IP6K1: variants seen among roughly 807,000 people sequenced by gnomAD.
IP6K1 encodes inositol hexakisphosphate kinase 1.
IP6K1 carries 13 observed loss-of-function variants against 38.3 expected under a neutral mutation model. The observed-to-expected ratio is 0.34, with a 90% CI of 0.22 to 0.54. IP6K1 has a LOEUF of 0.54. Ranked by LOEUF, IP6K1 falls within the 20% of genes least tolerant of loss-of-function variation. The pLI is 0.92. For synonymous variants in IP6K1, 212 were observed against 229.9 expected (o/e 0.92, Z 0.70); for missense variants, 397 against 599.8 (o/e 0.66, Z 3.53).
At chr3:49,731,255 A>G (rs866051585) in intron 4 of IP6K1, among the ~76,000 whole-genome samples, 37 of 152,132 alleles carry the variant, frequency 2.4e-4, no homozygotes, top group African/African-American at 8.7e-4. Flanking sequence ...AAAGGTACAG[A>G]CTTATCATAT....
intron 1 of IP6K1, among the ~76,000 whole-genome samples, chr3:49,762,157 G>T (rs895824994): frequency 6.6e-6 from 1 of 152,096 alleles, no homozygotes; most frequent in Non-Finnish European, 1.5e-5. Context: ...TCATCATGTG[G>T]CCCAGACTGG....
intron 1 of IP6K1, among the ~76,000 whole-genome samples, chr3:49,772,336 G>A (rs918193714): frequency 6.8e-6 from 1 of 146,386 alleles, no homozygotes; most frequent in Non-Finnish European, 1.5e-5. Flanking sequence ...TATATAGGAA[G>A]ACTATATAAT....
At chr3:49,740,178 TGTG>T (rs1411915688) in intron 2 of IP6K1, among the ~76,000 whole-genome samples, 11 of 151,136 alleles carry the variant, frequency 7.3e-5, no homozygotes, top group Admixed American at 6.6e-4. Flanking sequence ...AAAAATAAGT[TGTG>T]GTGTTCAGTC....
Position 49,733,361 on chromosome 3 carries a change from T to C in IP6K1, c.435-389A>G, listed in dbSNP as rs888264153. Among the ~76,000 whole-genome samples the C allele has an allele frequency of 2.0e-5, 3 of 152,264 alleles. No homozygotes were observed. The East Asian group carries it at 5.8e-4, about 29-fold the overall frequency. Reference sequence around the variant, plus strand: ...GCAGCCACCAAACAGTTTGGTGGTTTCTCAAAAAGTTAAACATAGATTTAT... The same window carrying C: ...GCAGCCACCAAACAGTTTGGTGGTTCCTCAAAAAGTTAAACATAGATTTAT... On this transcript the variant is annotated intron_variant, in intron 3 of 5. Transcript: ENST00000321599.
intron 1 of IP6K1, among the ~76,000 whole-genome samples, chr3:49,762,822 G>A (rs903219258): frequency 6.6e-6 from 1 of 151,296 alleles, no homozygotes; most frequent in Non-Finnish European, 1.5e-5. Flanking sequence ...ACCCAGGCTG[G>A]AGTGCATGGC....
intron 1 of IP6K1, among the ~76,000 whole-genome samples, chr3:49,756,505 CAAAAT>C (rs2080824358): frequency 1.3e-5 from 2 of 152,054 alleles, no homozygotes; most frequent in African/African-American, 4.8e-5. Context: ...CAGGGGAAAT[CAAAAT>C]GAAATGCACA....
Position 49,748,174 on chromosome 3 carries a change from G to T in IP6K1, c.-128-6C>A. The T allele has an allele frequency of 1.1e-6, 1 of 875,308 alleles. No individual in the cohort carries two copies. Among genetic ancestry groups the T allele is most frequent in the Non-Finnish European group, 1.8e-6 (1 of 564,844 alleles). The allele number at this position is 875,308 out of a possible 1,614,324, so 54.2% of individuals were successfully genotyped here. On this transcript the variant is annotated splice_polypyrimidine_tract_variant and splice_region_variant and intron_variant, in intron 1 of 5. Coordinates refer to ENST00000321599, the MANE Select transcript of IP6K1 (RefSeq NM_153273.4). ...ATTCAGCTTATTATTCTGTCCTACA[G>T]AAAAGAAGAGAGGAAGAAGGAATCA...
intron 4 of IP6K1, among the ~76,000 whole-genome samples, chr3:49,729,439 C>T (rs1321284052): frequency 2.0e-5 from 3 of 148,102 alleles, no homozygotes; most frequent in Non-Finnish European, 4.5e-5. Context: ...GACGGAGTTT[C>T]GCTCGTTGCC....
At position 49,780,409 on chromosome 3, in the gene IP6K1, T is replaced by C. The variant is rs546446129; in HGVS notation, c.-129+5945A>G. On this transcript the variant is annotated intron_variant, in intron 1 of 5. Transcript: ENST00000321599. ...CTGTAGTAGGAGAAATGAAAACCTA[T>C]ATTTAAAAATTAGTGCAAAAGCACA... Among the ~76,000 whole-genome samples the C allele has an allele frequency of 3.0e-4, 46 of 151,366 alleles. No homozygotes were observed. The South Asian group carries it at 9.0e-3, about 30-fold the overall frequency.
intron 2 of IP6K1, among the ~76,000 whole-genome samples, chr3:49,741,708 TTCTGC>T (rs532176966): frequency 1.3e-5 from 2 of 152,198 alleles, no homozygotes; most frequent in Non-Finnish European, 2.9e-5. Flanking sequence ...AGGCCAAACA[TTCTGC>T]CATAAATATG....
chr3:49,775,051 G>C (rs1421151336), intron 1 of IP6K1, among the ~76,000 whole-genome samples: 1 of 151,614 alleles, frequency 6.6e-6, no homozygotes, highest in Non-Finnish European at 1.5e-5. Context: ...CATTAACACT[G>C]AACTATAGTT....
In IP6K1 at chr3:49,727,842, C is replaced by T. The variant is rs1209714627; in HGVS notation, c.793-187G>A. 6.6e-6 allele frequency among the ~76,000 whole-genome samples: 1 copy of T among 152,216 alleles called. No homozygotes were observed. The highest frequency in any genetic ancestry group is 2.4e-5 in the African/African-American group (1 of 41,456). On this transcript the variant is annotated intron_variant, in intron 5 of 5. Coordinates refer to ENST00000321599, the MANE Select transcript of IP6K1 (RefSeq NM_153273.4). The surrounding 1 kb of genome is among the most constrained non-coding windows in gnomAD (Gnocchi z 5.9). Reference sequence around the variant, plus strand: ...TTGCAGAACCAAGAGAAAGCAATACCAGGCCTATGGGTTCCCTGCCCCCAG... The same window carrying T: ...TTGCAGAACCAAGAGAAAGCAATACTAGGCCTATGGGTTCCCTGCCCCCAG...
intron 2 of IP6K1, among the ~76,000 whole-genome samples, chr3:49,739,327 G>A (rs184597656): frequency 3.4e-4 from 50 of 148,070 alleles, no homozygotes; most frequent in Non-Finnish European, 4.8e-4. Context: ...TTTCTTTTAT[G>A]TTGTAGAATA....
chr3:49,775,438 CT>C, intron 1 of IP6K1: 1 of 471,572 alleles, frequency 2.1e-6, no homozygotes, highest in Non-Finnish European at 4.0e-6. Flanking sequence ...AACTACGTAT[CT>C]TAGCAGGGGT....
chr3:49,783,867 C>A (rs1448272530), intron 1 of IP6K1, among the ~76,000 whole-genome samples: 2 of 152,102 alleles, frequency 1.3e-5, no homozygotes, highest in Non-Finnish European at 2.9e-5. Context: ...AAAGACTACT[C>A]AACTTCTCCC....
At chr3:49,754,204 CA>C (rs11352355) in intron 1 of IP6K1, among the ~76,000 whole-genome samples, 79,182 of 147,582 alleles carry the variant, frequency 0.54, 21,540 homozygotes, top group East Asian at 0.83. Context: ...TCACTTTTAC[CA>C]AAAAAAAAAA....
At chr3:49,762,916 AG>A (rs1282757052) in intron 1 of IP6K1, among the ~76,000 whole-genome samples, 4 of 151,208 alleles carry the variant, frequency 2.6e-5, no homozygotes, top group African/African-American at 9.7e-5. Flanking sequence ...GGATTATAGG[AG>A]CGCACAACCA....
chr3:49,764,731 T>C (rs951029759), intron 1 of IP6K1, among the ~76,000 whole-genome samples: 3 of 151,924 alleles, frequency 2.0e-5, no homozygotes, highest in Non-Finnish European at 4.4e-5. Context: ...ATACAAAAAT[T>C]AGCCTGGCGT....
At chr3:49,733,015 G>C (rs2080577493) in intron 3 of IP6K1, 43 bp from the exon 4 acceptor site, 2 of 1,501,830 alleles carry the variant, frequency 1.3e-6, no homozygotes, top group Non-Finnish European at 1.8e-6. Context: ...ACTCAGGCAA[G>C]TCATCCTCTG....
Sources: gnomAD v4.1 joint callset for allele counts (sites outside exome capture counted in the v4.1 genomes callset) on GRCh38, gnomAD v4.1.1 for gene constraint, Gnocchi (gnomAD v3.1) non-coding constraint, MANE v1.5 for transcripts, NCBI Gene and HGNC (gene_info 2026-07-23, HGNC 2026-07-21) for gene names.